Variants in LIX1 observed in about 807,000 individuals in gnomAD.
The protein encoded by LIX1 is protein limb expression 1 homolog.
LIX1 carries 24 observed loss-of-function variants against 33.4 expected under a neutral mutation model. The observed-to-expected ratio is 0.72, with a 90% confidence interval of 0.52 to 1.01. The LOEUF (loss-of-function observed/expected upper bound fraction) is 1.01. LIX1 is among the 50% of genes least tolerant of loss of function. LIX1 has a pLI of 0.00. For synonymous variants in LIX1, 124 were observed against 124.0 expected (o/e 1.00, Z 0.00); for missense variants, 311 against 339.2 (o/e 0.92, Z 0.65).
intron 4 of LIX1, among the ~76,000 whole-genome samples, chr5:97,103,689 G>A (rs1746840127): frequency 1.3e-5 from 2 of 152,202 alleles, no homozygotes; most frequent in African/African-American, 4.8e-5. Flanking sequence ...ACTAAGGCCG[G>A]GCACGGTGGC....
intron 1 of LIX1, among the ~76,000 whole-genome samples, chr5:97,141,174 C>T (rs981376936): frequency 6.6e-6 from 1 of 151,970 alleles, no homozygotes; most frequent in African/African-American, 2.4e-5. Flanking sequence ...GCATAAGAAC[C>T]CTGGTCCTAT....
At chr5:97,130,733 A>G (rs1748037771) in intron 1 of LIX1, among the ~76,000 whole-genome samples, 1 of 152,222 alleles carries the variant, frequency 6.6e-6, no homozygotes, top group Admixed American at 6.5e-5. Flanking sequence ...GAATATTAAT[A>G]ATAGCATGAA....
At chr5:97,136,064 A>T (rs186598016) in intron 1 of LIX1, among the ~76,000 whole-genome samples, 1 of 152,202 alleles carries the variant, frequency 6.6e-6, no homozygotes, top group East Asian at 1.9e-4. Flanking sequence ...CAAGGCACAG[A>T]GTTTGGCTCT....
chr5:97,112,217 A>T (rs1444758765), intron 2 of LIX1, among the ~76,000 whole-genome samples: 1 of 152,122 alleles, frequency 6.6e-6, no homozygotes. Context: ...TTACTGGGGG[A>T]AGAAATTTAG....
chr5:97,111,506 C>G (rs574128804), intron 2 of LIX1, among the ~76,000 whole-genome samples: 8 of 152,100 alleles, frequency 5.3e-5, no homozygotes, highest in African/African-American at 1.9e-4. Flanking sequence ...AATCAGTTCC[C>G]CATTAAAAAG....
At chr5:97,101,127 G>A (rs1746671941) in intron 4 of LIX1, among the ~76,000 whole-genome samples, 1 of 152,050 alleles carries the variant, frequency 6.6e-6, no homozygotes, top group Non-Finnish European at 1.5e-5. Context: ...GGTTTAAAGT[G>A]AGTGGGGCCA....
intron 4 of LIX1, among the ~76,000 whole-genome samples, chr5:97,101,435 T>C (rs1181275566): frequency 6.6e-6 from 1 of 152,276 alleles, no homozygotes; most frequent in East Asian, 1.9e-4. Context: ...AAATTCTTGG[T>C]AATTTTTGAA....
At chr5:97,097,361 C>A (rs529536933) in intron 4 of LIX1, among the ~76,000 whole-genome samples, 1 of 152,108 alleles carries the variant, frequency 6.6e-6, no homozygotes, top group Non-Finnish European at 1.5e-5. Flanking sequence ...AGGATGAGAA[C>A]GTTCCATAAG....
chr5:97,129,264 C>T (rs772636963), intron 1 of LIX1, among the ~76,000 whole-genome samples: 28 of 152,144 alleles, frequency 1.8e-4, no homozygotes, highest in Non-Finnish European at 3.2e-4. Flanking sequence ...AAAATAATCT[C>T]AAAGCCCTTG....
intron 2 of LIX1, among the ~76,000 whole-genome samples, chr5:97,115,044 CT>C (rs1022578289): frequency 2.6e-5 from 4 of 152,182 alleles, no homozygotes; most frequent in Non-Finnish European, 5.9e-5. Flanking sequence ...GTACATAGCA[CT>C]ACTGACTTAA....
intron 1 of LIX1, among the ~76,000 whole-genome samples, chr5:97,129,131 A>G (rs535187409): frequency 1.3e-5 from 2 of 152,134 alleles, no homozygotes; most frequent in African/African-American, 2.4e-5. Flanking sequence ...TATGCTTCTC[A>G]AAAGCCAGTA....
chr5:97,118,083 T>G (rs575403438), intron 2 of LIX1, among the ~76,000 whole-genome samples: 8 of 152,226 alleles, frequency 5.3e-5, no homozygotes, highest in Admixed American at 2.6e-4. Flanking sequence ...AAAATACTTA[T>G]GTGAAAAAGA....
chr5:97,118,157 T>C (rs1246686039), intron 2 of LIX1, among the ~76,000 whole-genome samples: 1 of 152,220 alleles, frequency 6.6e-6, no homozygotes, highest in Admixed American at 6.5e-5. Context: ...ATTAATATTT[T>C]TGTCAGGAGG....
At position 97,095,037 on chromosome 5, in the gene LIX1, T is replaced by G; in HGVS notation, c.562-2A>C. On this transcript the variant is annotated splice_acceptor_variant, in intron 5 of 5. Transcript: ENST00000274382. LOFTEE classifies it high-confidence loss of function. ...CTGAGAATAGTAGGAGATGACTTCC[T>G]GGGGGCCAAGAAACAAAGTCCAGGG... 1 of 1,611,826 alleles carries G rather than the reference T, an allele frequency of 6.2e-7. No homozygotes were observed. Among genetic ancestry groups the G allele is most frequent in the Non-Finnish European group, 8.5e-7 (1 of 1,178,472 alleles).
At chr5:97,129,113 A>G (rs573552514) in intron 1 of LIX1, among the ~76,000 whole-genome samples, 5 of 152,112 alleles carry the variant, frequency 3.3e-5, no homozygotes, top group Admixed American at 6.5e-5. Context: ...CTCACTCCCT[A>G]TGCTTCTTAT....
In LIX1 at chr5:97,094,677, A is replaced by T; in HGVS notation, c.*71T>A. 1 of 1,427,042 alleles carries T rather than the reference A, an allele frequency of 7.0e-7. No individual in the cohort carries two copies. Among genetic ancestry groups the T allele is most frequent in the Non-Finnish European group, 9.7e-7 (1 of 1,034,036 alleles). The allele number at this position is 1,427,042 out of a possible 1,614,324, so 88.4% of individuals were successfully genotyped here. On this transcript the variant is annotated 3_prime_UTR_variant, in exon 6 of 6. Coordinates refer to ENST00000274382, the MANE Select transcript of LIX1 (RefSeq NM_153234.5). ...ACTAGAGATGCTGGAGCCTCTGAGG[A>T]CCTCTGCACTGAGATTCCTAATGTT...
chr5:97,120,079 A>G (rs1747741741), intron 2 of LIX1, among the ~76,000 whole-genome samples: 1 of 152,210 alleles, frequency 6.6e-6, no homozygotes, highest in South Asian at 2.1e-4. Context: ...AGAGAGAATC[A>G]TAAGATATTT....
chr5:97,098,513 C>G (rs1746510052), intron 4 of LIX1, among the ~76,000 whole-genome samples: 1 of 151,972 alleles, frequency 6.6e-6, no homozygotes, highest in Non-Finnish European at 1.5e-5. Flanking sequence ...AAAAATAACT[C>G]TATATGATCA....
intron 5 of LIX1, 117 bp from the exon 6 acceptor site, chr5:97,095,152 C>T (rs1746312493): frequency 1.0e-6 from 1 of 1,002,664 alleles, no homozygotes; most frequent in South Asian, 1.7e-5. Flanking sequence ...CCATCTCTCT[C>T]ATGTTCAAAA....
Sources: gnomAD v4.1 joint callset for allele counts (sites outside exome capture counted in the v4.1 genomes callset) on GRCh38, gnomAD v4.1.1 for gene constraint, MANE v1.5 for transcripts, NCBI Gene and HGNC (gene_info 2026-07-23, HGNC 2026-07-21) for gene names.